Variants in HPSE2 observed in about 807,000 individuals in gnomAD.
HPSE2 encodes the protein heparanase 2 (inactive), also known as inactive heparanase-2.
HPSE2 carries 38 observed loss-of-function variants against 60.5 expected under a neutral mutation model. The ratio of observed to expected loss-of-function variants is 0.63; its 90% confidence interval spans 0.48 to 0.82. The LOEUF (loss-of-function observed/expected upper bound fraction) is 0.82. Ranked by LOEUF, HPSE2 falls within the 40% of genes least tolerant of loss-of-function variation. HPSE2 has a pLI of 0.00. For synonymous variants in HPSE2, 295 were observed against 293.2 expected, an observed-to-expected ratio of 1.01 and a Z score of -0.06; for missense variants, 713 against 740.4, an observed-to-expected ratio of 0.96 and a Z score of 0.43.
intron 3 of HPSE2, among the ~76,000 whole-genome samples, chr10:99,072,265 A>C (rs1272132220): frequency 6.6e-6 from 1 of 152,194 alleles, no homozygotes; most frequent in Non-Finnish European, 1.5e-5. Flanking sequence ...AAAATCACCA[A>C]AAACAATTTG....
the HPSE2 span, among the ~76,000 whole-genome samples, chr10:99,244,254 T>C: frequency 6.6e-6 from 1 of 151,970 alleles, no homozygotes; most frequent in African/African-American, 2.4e-5. Flanking sequence ...CCTGACCTCG[T>C]GATCCGCCCA....
At chr10:99,161,537 T>C (rs1846846390) in intron 2 of HPSE2, among the ~76,000 whole-genome samples, 2 of 152,170 alleles carry the variant, frequency 1.3e-5, no homozygotes, top group South Asian at 4.1e-4. Flanking sequence ...ATCAGTGGTT[T>C]TCTAAGGCTG....
At chr10:98,761,537 TA>T (rs1252417820) in intron 3 of HPSE2, among the ~76,000 whole-genome samples, 16 of 152,200 alleles carry the variant, frequency 1.1e-4, no homozygotes, top group Admixed American at 1.0e-3. Context: ...TCTTCATTTA[TA>T]ATTCTGACAG....
intron 4 of HPSE2, among the ~76,000 whole-genome samples, chr10:98,737,234 T>C (rs1016698783): frequency 1.1e-5 from 1 of 92,866 alleles, no homozygotes; most frequent in African/African-American, 3.6e-5. Context: ...TATATACACA[T>C]AAAAATACAG....
the HPSE2 span, among the ~76,000 whole-genome samples, chr10:99,246,170 A>G: frequency 1.3e-5 from 2 of 152,200 alleles, no homozygotes; most frequent in South Asian, 4.1e-4. Flanking sequence ...AAACAAAAAG[A>G]CTTTTCATGG....
rs1324917162 is a variant in HPSE2, at chr10:98,937,846, G to T, written c.611-193790C>A. 1.6e-4 allele frequency among the ~76,000 whole-genome samples: 23 copies of T among 143,142 alleles called. 4 individuals are homozygous for T. The allele number at this position is 143,142 out of a possible 152,430, so 93.9% of individuals were successfully genotyped here. On this transcript the variant is annotated intron_variant, in intron 3 of 11. Coordinates refer to ENST00000370552, the MANE Select transcript of HPSE2 (RefSeq NM_021828.5). ...TAACTGGGAGGCACCCCCCAGTAGG[G>T]GCAGACTGACACCTCACATGGCCCA...
chr10:99,267,545 A>T, the HPSE2 span, among the ~76,000 whole-genome samples: 1 of 152,106 alleles, frequency 6.6e-6, no homozygotes, highest in South Asian at 2.1e-4. Context: ...ACACTTTTGG[A>T]GGCTGAGTCA....
At chr10:98,690,426 A>G (rs936600405) in intron 6 of HPSE2, among the ~76,000 whole-genome samples, 1 of 152,178 alleles carries the variant, frequency 6.6e-6, no homozygotes, top group Admixed American at 6.5e-5. Context: ...CTGTAGTCCC[A>G]GCTACTCGGG....
chr10:99,169,323 G>A (rs1354001428), intron 2 of HPSE2, among the ~76,000 whole-genome samples: 4 of 150,138 alleles, frequency 2.7e-5, no homozygotes, highest in Admixed American at 1.3e-4. Context: ...GGCTAACGTG[G>A]TGAAACCCCG....
intron 3 of HPSE2, among the ~76,000 whole-genome samples, chr10:98,804,278 A>G (rs1397154611): frequency 1.3e-5 from 2 of 152,104 alleles, no homozygotes; most frequent in African/African-American, 4.8e-5. Flanking sequence ...AAATGGACAA[A>G]TGGGATCACA....
intron 9 of HPSE2, among the ~76,000 whole-genome samples, chr10:98,586,863 C>T (rs965601287): frequency 1.4e-4 from 21 of 152,282 alleles, no homozygotes; most frequent in African/African-American, 4.8e-4. Flanking sequence ...GAAACATTGG[C>T]GCAGAGGAAT....
intron 3 of HPSE2, among the ~76,000 whole-genome samples, chr10:98,820,771 T>A (rs1234619593): frequency 6.6e-6 from 1 of 152,208 alleles, no homozygotes; most frequent in East Asian, 1.9e-4. Flanking sequence ...CCTCTCTGCA[T>A]GACAGCTATA....
intron 6 of HPSE2, among the ~76,000 whole-genome samples, chr10:98,672,886 T>C (rs1947542672): frequency 6.6e-6 from 1 of 152,228 alleles, no homozygotes; most frequent in Non-Finnish European, 1.5e-5. Flanking sequence ...ATAACTCGTA[T>C]TGAGATCAAG....
intron 3 of HPSE2, among the ~76,000 whole-genome samples, chr10:98,861,032 G>A (rs1383216201): frequency 6.6e-6 from 1 of 152,184 alleles, no homozygotes. Context: ...CTGAGTGAAT[G>A]AATGCAAAGG....
At chr10:99,313,670 G>A in the HPSE2 span, among the ~76,000 whole-genome samples, 1 of 122,954 alleles carries the variant, frequency 8.1e-6, no homozygotes, top group Admixed American at 1.1e-4. Flanking sequence ...TGCAATCTCA[G>A]CTCACTGCAA....
chr10:99,071,125 A>G (rs1842776830), intron 3 of HPSE2, among the ~76,000 whole-genome samples: 1 of 147,460 alleles, frequency 6.8e-6, no homozygotes, highest in Middle Eastern at 3.5e-3. Context: ...GCTGAAGTGC[A>G]GAGGCATGAT....
At chr10:98,660,837 T>A (rs1947203779) in intron 6 of HPSE2, among the ~76,000 whole-genome samples, 1 of 152,244 alleles carries the variant, frequency 6.6e-6, no homozygotes, top group African/African-American at 2.4e-5. Context: ...GTCTTTCATC[T>A]ATATGGAACC....
intron 3 of HPSE2, among the ~76,000 whole-genome samples, chr10:98,891,447 A>G (rs1278553241): frequency 2.0e-5 from 3 of 151,966 alleles, no homozygotes; most frequent in African/African-American, 7.2e-5. Context: ...CAGTTATATT[A>G]TTATTATTAT....
intron 3 of HPSE2, among the ~76,000 whole-genome samples, chr10:98,747,305 A>G (rs1221228245): frequency 1.3e-5 from 2 of 152,222 alleles, no homozygotes; most frequent in Non-Finnish European, 2.9e-5. Context: ...TGTTTGCATC[A>G]AAATTTAATA....
Sources: gnomAD v4.1 joint callset for allele counts (sites outside exome capture counted in the v4.1 genomes callset) on GRCh38, gnomAD v4.1.1 for gene constraint, MANE v1.5 for transcripts, NCBI Gene and HGNC (gene_info 2026-07-23, HGNC 2026-07-21) for gene names.